METTL16: variants seen among roughly 807,000 people sequenced by gnomAD.
METTL16 encodes methyltransferase 16, RNA N6-adenosine.
A neutral mutation model predicts 57.9 loss-of-function variants in METTL16; 19 were observed. That is an observed-to-expected ratio of 0.33 (90% CI 0.23 to 0.48). METTL16 has a LOEUF of 0.48. METTL16 is among the 20% of genes least tolerant of loss of function. The pLI is 0.99. For missense variants in METTL16, 434 were observed against 691.5 expected, an observed-to-expected ratio of 0.63 and a Z score of 4.18; for synonymous variants, 246 against 255.6, an observed-to-expected ratio of 0.96 and a Z score of 0.36.
At chr17:2,446,689 C>T (rs1391660893) in intron 6 of METTL16, among the ~76,000 whole-genome samples, 1 of 152,018 alleles carries the variant, frequency 6.6e-6, no homozygotes, top group Non-Finnish European at 1.5e-5. Context: ...GCTGCCATCT[C>T]GGCTCACTGC....
At chr17:2,493,062 G>A (rs1455248808) in intron 2 of METTL16, among the ~76,000 whole-genome samples, 1 of 151,352 alleles carries the variant, frequency 6.6e-6, no homozygotes, top group African/African-American at 2.4e-5. Flanking sequence ...CTGACCCACT[G>A]AAGGTCTAAT....
Position 2,417,550 on chromosome 17 carries a change from A to G in METTL16, c.*2420T>C, listed in dbSNP as rs2066729514. 1 of 152,214 alleles carries G rather than the reference A, an allele frequency of 6.6e-6. No homozygotes were observed. The highest frequency in any genetic ancestry group is 2.4e-5 in the African/African-American group (1 of 41,446). The allele number at this position is 152,214 out of a possible 1,614,324, so 9.4% of individuals were successfully genotyped here. On this transcript the variant is annotated 3_prime_UTR_variant, in exon 10 of 10. Coordinates refer to ENST00000263092, the MANE Select transcript of METTL16 (RefSeq NM_024086.4). ...GCTTAAAGGCCAGTGCTGTGCCTGA[A>G]AGACATTTTGAACAGGCAAGGAGTG... is the stretch of plus-strand genomic sequence containing the variant.
At chr17:2,429,081 C>T (rs1346033727) in intron 8 of METTL16, among the ~76,000 whole-genome samples, 2 of 152,116 alleles carry the variant, frequency 1.3e-5, no homozygotes, top group African/African-American at 4.8e-5. Context: ...TGGTCTCGAA[C>T]TCCCGACCTC....
chr17:2,463,596 G>A (rs1020183899), intron 6 of METTL16, among the ~76,000 whole-genome samples: 4 of 151,816 alleles, frequency 2.6e-5, no homozygotes, highest in African/African-American at 7.3e-5. Flanking sequence ...CTAGTAGCTG[G>A]GACTACAGGC....
chr17:2,422,988 A>G (rs1044282455), intron 8 of METTL16, among the ~76,000 whole-genome samples: 2 of 152,126 alleles, frequency 1.3e-5, no homozygotes, highest in African/African-American at 4.8e-5. Flanking sequence ...TCTCAAAAAC[A>G]ACAACAACAA....
chr17:2,457,305 T>C (rs557965342), intron 6 of METTL16, among the ~76,000 whole-genome samples: 1 of 118,404 alleles, frequency 8.4e-6, no homozygotes, highest in Non-Finnish European at 1.6e-5. Flanking sequence ...GCCACTGCAC[T>C]CCAACATGGA....
At chr17:2,491,254 T>G (rs1327491139) in intron 2 of METTL16, among the ~76,000 whole-genome samples, 1 of 152,240 alleles carries the variant, frequency 6.6e-6, no homozygotes, top group Non-Finnish European at 1.5e-5. Context: ...CTTTGTTGTT[T>G]GTTTAACACA....
chr17:2,470,586 A>G (rs1479034078), intron 4 of METTL16, among the ~76,000 whole-genome samples: 1 of 152,166 alleles, frequency 6.6e-6, no homozygotes, highest in Non-Finnish European at 1.5e-5. Context: ...AGGCCAGAAA[A>G]TCACTCAAGC....
intron 2 of METTL16, among the ~76,000 whole-genome samples, chr17:2,489,384 G>A (rs1370854404): frequency 6.6e-6 from 1 of 152,104 alleles, no homozygotes; most frequent in East Asian, 1.9e-4. Context: ...GCCGGGCGCA[G>A]TGGCTCACAT....
chr17:2,478,638 T>C (rs537026831), intron 2 of METTL16, among the ~76,000 whole-genome samples: 2 of 152,330 alleles, frequency 1.3e-5, no homozygotes, highest in South Asian at 2.1e-4. Context: ...ACCATTTGCA[T>C]GTCTTTCCTC....
chr17:2,430,937 A>AAAT (rs568182950), intron 8 of METTL16, among the ~76,000 whole-genome samples: 114 of 151,708 alleles, frequency 7.5e-4, no homozygotes, highest in African/African-American at 2.6e-3. Context: ...GTAAATTATT[A>AAAT]AATAATAATA....
At position 2,455,087 on chromosome 17, in the gene METTL16, C is replaced by CTT. The variant is rs954892604; in HGVS notation, c.728+9119_728+9120dup. On this transcript the variant is annotated intron_variant, in intron 6 of 9. Transcript: ENST00000263092. ...AGGCACGTGCCACTATGCCCAGGTA[C>CTT]TTTTTTTTTTTTTTTTTTTGAGACG... is the stretch of plus-strand genomic sequence containing the variant. 191 of 112,080 alleles carry CTT rather than the reference C, an allele frequency of 1.7e-3. 3 individuals carry two copies. The highest frequency in any genetic ancestry group is 4.2e-3 in the African/African-American group (106 of 25,200). 6.9% of individuals were successfully genotyped at this position (112,080 alleles called of 1,614,324 possible). A position where few individuals can be genotyped will look rare whatever the true frequency, so the allele number is the denominator to read the frequency against.
At chr17:2,463,327 C>T (rs748772365) in intron 6 of METTL16, among the ~76,000 whole-genome samples, 17 of 152,190 alleles carry the variant, frequency 1.1e-4, no homozygotes, top group East Asian at 1.9e-4. Context: ...TACAATCATG[C>T]GGTATTTTCC....
chr17:2,446,538 T>C (rs1404984373), intron 6 of METTL16, among the ~76,000 whole-genome samples: 1 of 152,090 alleles, frequency 6.6e-6, no homozygotes, highest in African/African-American at 2.4e-5. Context: ...ATCTCAGCAC[T>C]TTGGAAGGCC....
chr17:2,468,419 TA>T (rs1458594332), intron 4 of METTL16, among the ~76,000 whole-genome samples: 1 of 152,126 alleles, frequency 6.6e-6, no homozygotes, highest in Non-Finnish European at 1.5e-5. Flanking sequence ...GAGCCATGAG[TA>T]AGCCATCTTG....
intron 2 of METTL16, among the ~76,000 whole-genome samples, chr17:2,491,821 G>A (rs747382539): frequency 1.5e-4 from 21 of 143,744 alleles, no homozygotes; most frequent in Non-Finnish European, 3.0e-4. Flanking sequence ...CTTGCAGTGA[G>A]CCGAGATCGC....
intron 1 of METTL16, among the ~76,000 whole-genome samples, chr17:2,509,459 C>T (rs34183730): frequency 0.22 from 33,857 of 151,908 alleles, 4,838 homozygotes; most frequent in Non-Finnish European, 0.32. Context: ...GTGGTGCATG[C>T]CTGTGTTCCT....
At chr17:2,500,314 T>A (rs1223280022) in intron 2 of METTL16, among the ~76,000 whole-genome samples, 2 of 152,076 alleles carry the variant, frequency 1.3e-5, no homozygotes, top group Admixed American at 6.6e-5. Flanking sequence ...TCTCAGTCTG[T>A]CACCCAGGTT....
chr17:2,498,118 C>T (rs1030806116), intron 2 of METTL16, among the ~76,000 whole-genome samples: 2 of 149,598 alleles, frequency 1.3e-5, no homozygotes, highest in Non-Finnish European at 3.0e-5. Flanking sequence ...GGCGTGAACC[C>T]GGGAGGCAGA....
Sources: allele counts gnomAD v4.1 joint callset (sites outside exome capture counted in the v4.1 genomes callset), GRCh38; gene constraint gnomAD v4.1.1; transcripts MANE v1.5; gene names NCBI Gene and HGNC (gene_info 2026-07-23, HGNC 2026-07-21).